BRINP3: variants seen among roughly 807,000 people sequenced by gnomAD.
BRINP3 encodes BMP/retinoic acid inducible neural specific 3.
BRINP3 carries 19 observed loss-of-function variants against 71.0 expected under a neutral mutation model. The observed-to-expected ratio is 0.27, with a 90% CI of 0.19 to 0.39. The LOEUF (loss-of-function observed/expected upper bound fraction) is 0.39. BRINP3 is among the 10% of genes least tolerant of loss of function. BRINP3 has a pLI of 1.00. For synonymous variants in BRINP3, 380 were observed against 337.7 expected, an observed-to-expected ratio of 1.13 and a Z score of -1.37; for missense variants, 959 against 940.8, an observed-to-expected ratio of 1.02 and a Z score of -0.25.
chr1:190,339,005 AAAATAAAT>A (rs144106726), intron 2 of BRINP3, among the ~76,000 whole-genome samples: 2,950 of 143,798 alleles, frequency 0.021, 82 homozygotes, highest in African/African-American at 0.062. Flanking sequence ...TTGCAAATGC[AAAATAAAT>A]AAATAAATAA....
chr1:190,196,539 A>G (rs1014945304), intron 6 of BRINP3, among the ~76,000 whole-genome samples: 2 of 152,164 alleles, frequency 1.3e-5, no homozygotes, highest in Non-Finnish European at 2.9e-5. Flanking sequence ...AGAAGCACAT[A>G]TCTAGGCGTT....
chr1:190,180,631 T>C (rs1326175859), intron 6 of BRINP3, among the ~76,000 whole-genome samples: 1 of 152,088 alleles, frequency 6.6e-6, no homozygotes, highest in East Asian at 1.9e-4. Context: ...TTTAAATGAA[T>C]TGATAAATAA....
chr1:190,345,981 G>C (rs1242490567), intron 2 of BRINP3, among the ~76,000 whole-genome samples: 1 of 151,752 alleles, frequency 6.6e-6, no homozygotes, highest in Non-Finnish European at 1.5e-5. Flanking sequence ...AATTATAATA[G>C]TCACAACCTG....
At chr1:190,323,222 T>C (rs1393806495) in intron 2 of BRINP3, among the ~76,000 whole-genome samples, 1 of 152,054 alleles carries the variant, frequency 6.6e-6, no homozygotes, top group Non-Finnish European at 1.5e-5. Context: ...AAAAGTGATT[T>C]CCACCACAAA....
intron 2 of BRINP3, among the ~76,000 whole-genome samples, chr1:190,379,888 A>G (rs1310939511): frequency 6.6e-6 from 1 of 150,976 alleles, no homozygotes; most frequent in East Asian, 2.0e-4. Context: ...AATTCCAGCT[A>G]CTCAGGAGGC....
At chr1:190,337,969 G>T (rs1037766048) in intron 2 of BRINP3, among the ~76,000 whole-genome samples, 1 of 151,934 alleles carries the variant, frequency 6.6e-6, no homozygotes, top group African/African-American at 2.4e-5. Flanking sequence ...ACATATGAAA[G>T]ATATTTTGCT....
At position 190,458,006 on chromosome 1, in the gene BRINP3, A is replaced by G. The variant is rs115439739; in HGVS notation, c.-50-3066T>C. Reference sequence around the variant, plus strand: ...AGTAGTGGAACAATTTAACATATCCATCATTTCACATTGTTATGCATTTTA... The same window carrying G: ...AGTAGTGGAACAATTTAACATATCCGTCATTTCACATTGTTATGCATTTTA... On this transcript the variant is annotated intron_variant, in intron 1 of 7. Coordinates refer to ENST00000367462, the MANE Select transcript of BRINP3 (RefSeq NM_199051.3). Among the ~76,000 whole-genome samples the G allele has an allele frequency of 2.5e-3, 386 of 152,124 alleles. 1 individual carries two copies. The highest frequency in any genetic ancestry group is 4.6e-3 in the Non-Finnish European group (312 of 67,954).
intron 6 of BRINP3, among the ~76,000 whole-genome samples, chr1:190,223,375 C>T (rs992130240): frequency 2.6e-5 from 4 of 151,820 alleles, no homozygotes; most frequent in East Asian, 3.9e-4. Context: ...AATCAACAAA[C>T]GTGATGCATC....
intron 1 of BRINP3, among the ~76,000 whole-genome samples, chr1:190,465,442 G>C (rs1676676118): frequency 6.6e-6 from 1 of 151,798 alleles, no homozygotes; most frequent in East Asian, 1.9e-4. Flanking sequence ...TCCAATTTTA[G>C]CAAGAATCCT....
intron 1 of BRINP3, among the ~76,000 whole-genome samples, chr1:190,464,184 A>G (rs999318020): frequency 6.6e-6 from 1 of 151,788 alleles, no homozygotes; most frequent in African/African-American, 2.4e-5. Context: ...GATAATCCTT[A>G]AAGAAAAATG....
At chr1:190,272,005 A>G (rs549344554) in intron 3 of BRINP3, among the ~76,000 whole-genome samples, 1 of 151,690 alleles carries the variant, frequency 6.6e-6, no homozygotes, top group African/African-American at 2.4e-5. Flanking sequence ...CAAACCTAAT[A>G]CATGTTGAGG....
intron 2 of BRINP3, among the ~76,000 whole-genome samples, chr1:190,329,787 G>A (rs1666847352): frequency 6.6e-6 from 1 of 151,864 alleles, no homozygotes; most frequent in Non-Finnish European, 1.5e-5. Context: ...GCATAGTACT[G>A]ACACAAAAAC....
At chr1:190,175,994 G>T (rs887351875) in intron 6 of BRINP3, among the ~76,000 whole-genome samples, 11 of 152,100 alleles carry the variant, frequency 7.2e-5, no homozygotes, top group African/African-American at 2.7e-4. Context: ...ACAGTAACAT[G>T]TGTTTTTGTT....
At chr1:190,476,372 G>A (rs893694483) in intron 1 of BRINP3, among the ~76,000 whole-genome samples, 10 of 152,098 alleles carry the variant, frequency 6.6e-5, no homozygotes, top group African/African-American at 2.4e-4. Context: ...GGGGGCGGAT[G>A]TTCAGAGAAA....
At chr1:190,432,586 C>T (rs929983760) in intron 2 of BRINP3, among the ~76,000 whole-genome samples, 3 of 152,290 alleles carry the variant, frequency 2.0e-5, no homozygotes, top group African/African-American at 7.2e-5. Flanking sequence ...GGGGCTGATA[C>T]TTTTTGAACA....
chr1:190,363,197 A>G (rs2102136940), intron 2 of BRINP3, among the ~76,000 whole-genome samples: 1 of 152,262 alleles, frequency 6.6e-6, no homozygotes, highest in African/African-American at 2.4e-5. Flanking sequence ...ACCCTGGCCA[A>G]CAGCCAACAA....
chr1:190,307,270 T>G (rs986143282), intron 2 of BRINP3, among the ~76,000 whole-genome samples: 17 of 125,038 alleles, frequency 1.4e-4, no homozygotes, highest in African/African-American at 3.6e-4. Context: ...TTTTTTTTTT[T>G]TTTTTTTTTT....
intron 6 of BRINP3, among the ~76,000 whole-genome samples, chr1:190,183,192 A>G (rs1023105040): frequency 4.7e-4 from 72 of 152,076 alleles, no homozygotes; most frequent in African/African-American, 1.6e-3. Flanking sequence ...TCTCTGTCAG[A>G]TAATTCTAGC....
At chr1:190,347,865 G>A (rs944507189) in intron 2 of BRINP3, among the ~76,000 whole-genome samples, 5 of 152,030 alleles carry the variant, frequency 3.3e-5, no homozygotes, top group Admixed American at 6.6e-5. Context: ...ATGTAAAAAT[G>A]TTCCCTTTAT....
Sources: gnomAD v4.1 joint callset for allele counts (sites outside exome capture counted in the v4.1 genomes callset) on GRCh38, gnomAD v4.1.1 for gene constraint, MANE v1.5 for transcripts, NCBI Gene and HGNC (gene_info 2026-07-23, HGNC 2026-07-21) for gene names.